ARHGEF7: variants seen among roughly 807,000 people sequenced by gnomAD.
The protein encoded by ARHGEF7 is PAK-interacting exchange factor beta.
In ARHGEF7, 33 loss-of-function variants were observed where a neutral mutation model predicts 109.8. The ratio of observed to expected loss-of-function variants is 0.30; its 90% CI spans 0.23 to 0.40. ARHGEF7 has a LOEUF of 0.40. ARHGEF7 is among the 10% of genes least tolerant of loss of function. The pLI is 1.00. For missense variants in ARHGEF7, 938 were observed against 1,098.5 expected (o/e 0.85, Z 2.07); for synonymous variants, 458 against 424.6 (o/e 1.08, Z -0.97).
intron 1 of ARHGEF7, among the ~76,000 whole-genome samples, chr13:111,140,495 C>T (rs1319431033): frequency 6.6e-6 from 1 of 152,092 alleles, no homozygotes; most frequent in Admixed American, 6.5e-5. Flanking sequence ...GATGGTGTTG[C>T]AGGCAGAGGG....
rs989191268 is a variant in ARHGEF7, at chr13:111,255,966, A to G, written c.951-11582A>G. Reference sequence around the variant, plus strand: ...ATGAATGGTGTAATGAATTGGTATGATATTTCATTCGTTGTCTGGATCTTT... The same window carrying G: ...ATGAATGGTGTAATGAATTGGTATGGTATTTCATTCGTTGTCTGGATCTTT... On this transcript the variant is annotated intron_variant, in intron 8 of 21. Transcript: ENST00000646102. This position sits in a 1 kb window ranked among gnomAD's most constrained non-coding sequence, Gnocchi z 4.1. Among the ~76,000 whole-genome samples the G allele has an allele frequency of 1.3e-5, 2 of 152,170 alleles. No homozygotes were observed. Among genetic ancestry groups the G allele is most frequent in the African/African-American group, 4.8e-5 (2 of 41,432 alleles).
chr13:111,166,336 C>T (rs909976708), intron 2 of ARHGEF7, among the ~76,000 whole-genome samples: 7 of 152,160 alleles, frequency 4.6e-5, no homozygotes, highest in Non-Finnish European at 7.4e-5. Flanking sequence ...CCTGTAGGTC[C>T]TGTCTTTTCC....
intron 1 of ARHGEF7, among the ~76,000 whole-genome samples, chr13:111,151,662 C>T (rs973701013): frequency 2.6e-5 from 4 of 152,214 alleles, no homozygotes; most frequent in African/African-American, 4.8e-5. Flanking sequence ...TCATGGCCAA[C>T]AGCACTATAA....
chr13:111,158,538 C>G (rs1049984335), intron 2 of ARHGEF7, among the ~76,000 whole-genome samples: 1 of 152,174 alleles, frequency 6.6e-6, no homozygotes, highest in Non-Finnish European at 1.5e-5. Context: ...ATTTATTTAA[C>G]TGTTTTTCTG....
Position 111,208,118 on chromosome 13 carries a change from G to A in ARHGEF7, c.338-1754G>A, listed in dbSNP as rs151050674. 3.3e-5 allele frequency among the ~76,000 whole-genome samples: 5 copies of A among 152,244 alleles called. No individual in the cohort carries two copies. The East Asian group carries it at 7.7e-4, about 24-fold the overall frequency. On this transcript the variant is annotated intron_variant, in intron 3 of 21. Coordinates refer to ENST00000646102, the MANE Select transcript of ARHGEF7 (RefSeq NM_001354046.2). Reference sequence around the variant, plus strand: ...TGCAATGGCATGATCTTGGCTCACCGCAACCTCCGCCTCCTGGATTCAAGC... The same window carrying A: ...TGCAATGGCATGATCTTGGCTCACCACAACCTCCGCCTCCTGGATTCAAGC...
At chr13:111,227,788 TTATTTG>T (rs2085414788) in intron 5 of ARHGEF7, among the ~76,000 whole-genome samples, 1 of 152,230 alleles carries the variant, frequency 6.6e-6, no homozygotes, top group South Asian at 2.1e-4. Flanking sequence ...TGCTTTAGTC[TTATTTG>T]TATTTCAGTG....
intron 2 of ARHGEF7, among the ~76,000 whole-genome samples, chr13:111,178,072 T>C (rs1401631477): frequency 6.6e-6 from 1 of 152,236 alleles, no homozygotes; most frequent in African/African-American, 2.4e-5. Flanking sequence ...TGACTGAGGC[T>C]AGTAAAGCAG....
At position 111,203,343 on chromosome 13, in the gene ARHGEF7, A is replaced by G. The variant is rs1032715410; in HGVS notation, c.253-1946A>G. On this transcript the variant is annotated intron_variant, in intron 2 of 21. Coordinates refer to ENST00000646102, the MANE Select transcript of ARHGEF7 (RefSeq NM_001354046.2). Reference sequence around the variant, plus strand: ...AAATGCAGCTTAACCCGTATTTGTTATAGGTGGTTATGTCAGCCTAGATGC... The same window carrying G: ...AAATGCAGCTTAACCCGTATTTGTTGTAGGTGGTTATGTCAGCCTAGATGC... Among the ~76,000 whole-genome samples, 16 of 152,216 alleles carry G rather than the reference A, an allele frequency of 1.1e-4. No individual in the cohort carries two copies. The South Asian group carries it at 3.3e-3, about 32-fold the overall frequency.
chr13:111,128,416 C>T (rs1469902739), intron 1 of ARHGEF7, among the ~76,000 whole-genome samples: 1 of 152,196 alleles, frequency 6.6e-6, no homozygotes, highest in Non-Finnish European at 1.5e-5. Context: ...TCGCCTGAAC[C>T]TGGGAGTTGG....
chr13:111,127,809 T>C (rs1355205347), intron 1 of ARHGEF7, among the ~76,000 whole-genome samples: 2 of 151,984 alleles, frequency 1.3e-5, no homozygotes, highest in African/African-American at 2.4e-5. Context: ...CCTATGAACA[T>C]AGATGTAAAC....
intron 21 of ARHGEF7, 95 bp from the exon 22 acceptor site, chr13:111,302,896 C>T (rs1383516742): frequency 7.4e-6 from 11 of 1,492,048 alleles, no homozygotes; most frequent in East Asian, 6.9e-5. Flanking sequence ...TTTCATGAAT[C>T]GAGGCCTTAG....
chr13:111,281,374 G>A (rs1209728578), intron 15 of ARHGEF7, among the ~76,000 whole-genome samples: 1 of 151,904 alleles, frequency 6.6e-6, no homozygotes, highest in Non-Finnish European at 1.5e-5. Context: ...GATGACACAG[G>A]CGTTTTCTGC....
At chr13:111,297,444 T>A (rs2093452294) in intron 19 of ARHGEF7, among the ~76,000 whole-genome samples, 1 of 152,252 alleles carries the variant, frequency 6.6e-6, no homozygotes, top group Non-Finnish European at 1.5e-5. Flanking sequence ...ATAAGACCTG[T>A]GCCGGGCACA....
chr13:111,232,432 C>T (rs779483044), intron 5 of ARHGEF7, among the ~76,000 whole-genome samples: 5 of 152,224 alleles, frequency 3.3e-5, no homozygotes, highest in African/African-American at 1.2e-4. Context: ...GAGACCCCCT[C>T]CCGTAGAACC....
intron 5 of ARHGEF7, among the ~76,000 whole-genome samples, chr13:111,224,424 C>T (rs1466092850): frequency 6.6e-5 from 10 of 152,222 alleles, no homozygotes; most frequent in African/African-American, 2.2e-4. Context: ...TCTGTGTGTG[C>T]ATGTGGACTC....
At chr13:111,288,312 G>A (rs1270365926) in intron 17 of ARHGEF7, 42 bp from the exon 18 acceptor site, 1 of 1,435,038 alleles carries the variant, frequency 7.0e-7, no homozygotes, top group African/African-American at 1.4e-5. Context: ...TGCCCTAGAG[G>A]CCTTTCAGTT....
At position 111,266,801 on chromosome 13, in the gene ARHGEF7, A is replaced by C. The variant is rs1156859628; in HGVS notation, c.951-747A>C. ...CCTGGGGTGCAGGGAAGGTGGTAAGAGTTCACGTGGTTCTCCTGTTTTCAG... is the reference window on the plus strand; with the variant it reads ...CCTGGGGTGCAGGGAAGGTGGTAAGCGTTCACGTGGTTCTCCTGTTTTCAG... On this transcript the variant is annotated intron_variant, in intron 8 of 21. Transcript: ENST00000646102. The surrounding 1 kb of genome is among the most constrained non-coding windows in gnomAD (Gnocchi z 4.8). The C allele has an allele frequency of 8.8e-6, 4 of 455,734 alleles. No individual in the cohort carries two copies. Among genetic ancestry groups the C allele is most frequent in the African/African-American group, 8.0e-5 (4 of 49,970 alleles). 28.2% of individuals were successfully genotyped at this position (455,734 alleles called of 1,614,324 possible).
At chr13:111,195,025 A>C (rs990881344) in intron 2 of ARHGEF7, among the ~76,000 whole-genome samples, 2 of 152,142 alleles carry the variant, frequency 1.3e-5, no homozygotes, top group Non-Finnish European at 2.9e-5. Flanking sequence ...GGGTTTTTGT[A>C]CCCCTAGAAT....
In ARHGEF7 at chr13:111,304,707, C is replaced by T. The variant is rs576409804; in HGVS notation, c.*1594C>T. On this transcript the variant is annotated 3_prime_UTR_variant, in exon 22 of 22. Transcript: ENST00000646102. The stretch of plus-strand genomic sequence containing the variant: ...CCAGCAAGCCCCTTTGGCTTCCTTC[C>T]GTGACTGGTCACGTTGTCTGCCTGG... 4 of 152,388 alleles carry T rather than the reference C, an allele frequency of 2.6e-5. No individual in the cohort carries two copies. In the South Asian group the frequency reaches 8.3e-4, roughly 32 times the overall value. 9.4% of individuals were successfully genotyped at this position (152,388 alleles called of 1,614,324 possible).
Sources: gnomAD v4.1 joint callset for allele counts (sites outside exome capture counted in the v4.1 genomes callset) on GRCh38, gnomAD v4.1.1 for gene constraint, Gnocchi (gnomAD v3.1) non-coding constraint, MANE v1.5 for transcripts, NCBI Gene and HGNC (gene_info 2026-07-23, HGNC 2026-07-21) for gene names.